Variants in LHFPL3 observed in about 807,000 individuals in gnomAD.
LHFPL3 encodes LHFPL tetraspan subfamily member 3 protein.
In LHFPL3, 5 loss-of-function variants were observed where a neutral mutation model predicts 19.3. The observed-to-expected ratio is 0.26, with a 90% CI of 0.14 to 0.54. LHFPL3 has a LOEUF of 0.54. Ranked by LOEUF, LHFPL3 falls within the 20% of genes least tolerant of loss-of-function variation. The probability of loss-of-function intolerance (pLI) is 0.94; values close to 1 mark genes in which losing one functional copy is unlikely to be tolerated. For synonymous variants in LHFPL3, 133 were observed against 126.2 expected, an observed-to-expected ratio of 1.05 and a Z score of -0.36; for missense variants, 249 against 307.4, an observed-to-expected ratio of 0.81 and a Z score of 1.42.
Position 104,607,744 on chromosome 7 carries a change from C to G in LHFPL3, c.446-128931C>G, listed in dbSNP as rs1159987618. On this transcript the variant is annotated intron_variant, in intron 1 of 2. Transcript: ENST00000424859. ...AATGGGAGAAAATTTTCGCAACCTA[C>G]TCATCTGACAAAGGGCTAATATCCA... Among the ~76,000 whole-genome samples the G allele has an allele frequency of 5.9e-5, 9 of 152,192 alleles. No individual in the cohort carries two copies. The South Asian group carries it at 1.7e-3, about 28-fold the overall frequency.
intron 1 of LHFPL3, among the ~76,000 whole-genome samples, chr7:104,330,072 C>CT (rs1286631192): frequency 6.6e-6 from 1 of 152,140 alleles, no homozygotes; most frequent in East Asian, 1.9e-4. Flanking sequence ...TATGAAAGTA[C>CT]TTTTTTTCTG....
chr7:104,845,336 C>T (rs1791293447), intron 2 of LHFPL3: 5 of 1,099,550 alleles, frequency 4.5e-6, no homozygotes, highest in Non-Finnish European at 6.7e-6. Flanking sequence ...AGTGTGAGCT[C>T]TTATTTTACC....
intron 2 of LHFPL3, among the ~76,000 whole-genome samples, chr7:104,743,577 A>G (rs1219989746): frequency 6.6e-6 from 1 of 152,212 alleles, no homozygotes; most frequent in Non-Finnish European, 1.5e-5. Flanking sequence ...GCAATTTATA[A>G]TCAATAATAT....
At chr7:104,512,014 G>A (rs914371110) in intron 1 of LHFPL3, among the ~76,000 whole-genome samples, 1 of 150,048 alleles carries the variant, frequency 6.7e-6, no homozygotes, top group Non-Finnish European at 1.5e-5. Flanking sequence ...GAGTGCAGCG[G>A]TGCAATCTTG....
chr7:104,813,918 C>A (rs942681070), intron 2 of LHFPL3, among the ~76,000 whole-genome samples: 1 of 152,226 alleles, frequency 6.6e-6, no homozygotes, highest in African/African-American at 2.4e-5. Flanking sequence ...TTCTCTTCAC[C>A]CGCAACATAG....
chr7:104,717,015 T>G (rs1385877808), intron 1 of LHFPL3, among the ~76,000 whole-genome samples: 1 of 152,096 alleles, frequency 6.6e-6, no homozygotes, highest in Non-Finnish European at 1.5e-5. Context: ...CAGAAATAAT[T>G]CCATACATGT....
chr7:104,809,136 C>T (rs553114428), intron 2 of LHFPL3, among the ~76,000 whole-genome samples: 243 of 152,250 alleles, frequency 1.6e-3, no homozygotes, highest in African/African-American at 5.6e-3. Context: ...CTCAAGTGAT[C>T]GCCCACCTTG....
intron 1 of LHFPL3, among the ~76,000 whole-genome samples, chr7:104,498,823 T>C (rs1027152384): frequency 2.0e-5 from 3 of 152,198 alleles, no homozygotes; most frequent in Non-Finnish European, 4.4e-5. Flanking sequence ...GCAATAAGAA[T>C]GCTTAGAAAT....
At chr7:104,885,718 GTCT>G (rs1232460561) in intron 2 of LHFPL3, among the ~76,000 whole-genome samples, 1 of 152,046 alleles carries the variant, frequency 6.6e-6, no homozygotes, top group African/African-American at 2.4e-5. Context: ...ACCCCTTACA[GTCT>G]TCTTGTCACT....
chr7:104,686,846 C>T (rs1012596631), intron 1 of LHFPL3, among the ~76,000 whole-genome samples: 2 of 152,186 alleles, frequency 1.3e-5, no homozygotes, highest in African/African-American at 4.8e-5. Flanking sequence ...ACAATCATGG[C>T]AGAAGGGGAA....
At chr7:104,899,430 T>C (rs1329640301) in intron 2 of LHFPL3, among the ~76,000 whole-genome samples, 2 of 151,286 alleles carry the variant, frequency 1.3e-5, no homozygotes, top group Admixed American at 6.6e-5. Flanking sequence ...AAGATGATAT[T>C]TGGAGAAAGA....
chr7:104,610,781 C>G (rs1004237286), intron 1 of LHFPL3, among the ~76,000 whole-genome samples: 1 of 152,248 alleles, frequency 6.6e-6, no homozygotes, highest in African/African-American at 2.4e-5. Flanking sequence ...GAAACACCCT[C>G]ATAGGCACAC....
At chr7:104,430,824 A>G (rs1349430328) in intron 1 of LHFPL3, among the ~76,000 whole-genome samples, 1 of 151,546 alleles carries the variant, frequency 6.6e-6, no homozygotes, top group Non-Finnish European at 1.5e-5. Context: ...CTGCTAGGAA[A>G]CCCAGCTCCC....
At chr7:104,411,279 G>C (rs1304085790) in intron 1 of LHFPL3, among the ~76,000 whole-genome samples, 2 of 152,116 alleles carry the variant, frequency 1.3e-5, no homozygotes, top group African/African-American at 4.8e-5. Context: ...TATGTGAAAT[G>C]AGGTGACAGA....
intron 1 of LHFPL3, among the ~76,000 whole-genome samples, chr7:104,618,953 C>T (rs1399275744): frequency 6.6e-6 from 1 of 152,106 alleles, no homozygotes; most frequent in Non-Finnish European, 1.5e-5. Flanking sequence ...AAGAAGAGGC[C>T]CCTTAGTAGC....
chr7:104,524,140 G>T (rs757715629), intron 1 of LHFPL3, among the ~76,000 whole-genome samples: 57 of 152,188 alleles, frequency 3.7e-4, no homozygotes, highest in Non-Finnish European at 7.6e-4. Flanking sequence ...TTTAGTCACA[G>T]TATCTAGCAC....
intron 2 of LHFPL3, among the ~76,000 whole-genome samples, chr7:104,880,982 A>G (rs1792041732): frequency 1.3e-5 from 2 of 152,122 alleles, no homozygotes; most frequent in African/African-American, 2.4e-5. Flanking sequence ...CTTCCTGGCT[A>G]ACACAATGAA....
At chr7:104,820,446 G>A (rs892307933) in intron 2 of LHFPL3, among the ~76,000 whole-genome samples, 1 of 152,158 alleles carries the variant, frequency 6.6e-6, no homozygotes, top group South Asian at 2.1e-4. Context: ...TGTCAAACCA[G>A]AGGCAGAGAT....
In LHFPL3 at chr7:104,603,108, TTCTTTCTTTC is replaced by T. The variant is rs1415036857; in HGVS notation, c.446-133565_446-133556del. On this transcript the variant is annotated intron_variant, in intron 1 of 2. Coordinates refer to ENST00000424859, the MANE Select transcript of LHFPL3 (RefSeq NM_199000.3). ...TTTCTTTCTTTCTTTCTTTCTTTCT[TTCTTTCTTTC>T]TTTCTTTCTTTCTTTTTTCCCTTCC... Among the ~76,000 whole-genome samples, 25 of 141,986 alleles carry T rather than the reference TTCTTTCTTTC, an allele frequency of 1.8e-4. No individual in the cohort carries two copies. In the South Asian group the frequency reaches 5.7e-3, roughly 32 times the overall value. 93.1% of individuals were successfully genotyped at this position (141,986 alleles called of 152,430 possible). A position where few individuals can be genotyped will look rare whatever the true frequency, so the allele number is the denominator to read the frequency against.
Sources: allele counts gnomAD v4.1 joint callset (sites outside exome capture counted in the v4.1 genomes callset), GRCh38; gene constraint gnomAD v4.1.1; transcripts MANE v1.5; gene names NCBI Gene and HGNC (gene_info 2026-07-23, HGNC 2026-07-21).